ASIC2: variants seen among roughly 807,000 people sequenced by gnomAD.
The protein encoded by ASIC2 is acid sensing ion channel subunit 2.
Under a neutral mutation model 57.3 loss-of-function variants are expected in ASIC2, and 25 were observed. That is an observed-to-expected ratio of 0.44 (90% CI 0.32 to 0.61). The LOEUF (loss-of-function observed/expected upper bound fraction) is 0.61, where lower values mean the gene tolerates loss of function less well. Ranked by LOEUF, ASIC2 falls within the 20% of genes least tolerant of loss-of-function variation. ASIC2 has a pLI of 0.06. For synonymous variants in ASIC2, 319 were observed against 307.5 expected (o/e 1.04, Z -0.39); for missense variants, 641 against 738.1 (o/e 0.87, Z 1.52).
At chr17:33,305,471 G>T (rs1046995193) in intron 1 of ASIC2, among the ~76,000 whole-genome samples, 6 of 152,258 alleles carry the variant, frequency 3.9e-5, no homozygotes, top group Admixed American at 1.3e-4. Context: ...AAACAAAAAG[G>T]CTTAAGACGT....
intron 1 of ASIC2, among the ~76,000 whole-genome samples, chr17:33,774,514 C>A (rs1911206569): frequency 6.6e-6 from 1 of 152,280 alleles, no homozygotes; most frequent in South Asian, 2.1e-4. Flanking sequence ...TCCACCTCAG[C>A]CTGCCATCTC....
chr17:33,864,010 T>A (rs890601703), intron 1 of ASIC2, among the ~76,000 whole-genome samples: 2 of 152,078 alleles, frequency 1.3e-5, no homozygotes, highest in African/African-American at 4.8e-5. Flanking sequence ...TTCAAGCGAT[T>A]CTCCTACCTT....
At chr17:33,579,059 G>A (rs536798907) in intron 1 of ASIC2, among the ~76,000 whole-genome samples, 2 of 152,214 alleles carry the variant, frequency 1.3e-5, no homozygotes, top group South Asian at 4.2e-4. Flanking sequence ...GTCGAAGCGG[G>A]TGGATCACTT....
chr17:33,561,795 A>G (rs1334890892), intron 1 of ASIC2, among the ~76,000 whole-genome samples: 1 of 152,242 alleles, frequency 6.6e-6, no homozygotes, highest in Non-Finnish European at 1.5e-5. Flanking sequence ...GTTTCCTAGC[A>G]ATCAATGACC....
At chr17:34,022,299 T>A (rs891098317) in intron 1 of ASIC2, among the ~76,000 whole-genome samples, 1 of 152,174 alleles carries the variant, frequency 6.6e-6, no homozygotes, top group Non-Finnish European at 1.5e-5. Context: ...CCCAAAACAT[T>A]AATGACACCA....
At chr17:33,987,232 T>C (rs1905849616) in intron 1 of ASIC2, among the ~76,000 whole-genome samples, 3 of 152,176 alleles carry the variant, frequency 2.0e-5, no homozygotes, top group East Asian at 1.9e-4. Flanking sequence ...ACTCGGCTGC[T>C]CCCATGACCA....
At chr17:33,902,078 C>T (rs887883720) in intron 1 of ASIC2, among the ~76,000 whole-genome samples, 17 of 152,158 alleles carry the variant, frequency 1.1e-4, no homozygotes, top group Middle Eastern at 3.4e-3. Flanking sequence ...TCTATCAATG[C>T]GCTTGTATGA....
At chr17:33,584,763 C>T (rs8071841) in intron 1 of ASIC2, among the ~76,000 whole-genome samples, 2,780 of 152,112 alleles carry the variant, frequency 0.018, 80 homozygotes, top group African/African-American at 0.061. Context: ...GCCTAGGCTG[C>T]TTGTGGAGAC....
At chr17:34,147,894 C>G (rs549454459) in intron 1 of ASIC2, among the ~76,000 whole-genome samples, 2 of 152,276 alleles carry the variant, frequency 1.3e-5, no homozygotes, top group East Asian at 3.9e-4. Context: ...TGGAGCACCA[C>G]CTCTAATGGC....
chr17:33,204,661 A>G (rs1389020715), intron 1 of ASIC2, among the ~76,000 whole-genome samples: 1 of 152,228 alleles, frequency 6.6e-6, no homozygotes, highest in East Asian at 1.9e-4. Flanking sequence ...AGACATGAGC[A>G]TGTGACCCAA....
chr17:33,770,929 T>A (rs1382669150), intron 1 of ASIC2, among the ~76,000 whole-genome samples: 1 of 152,146 alleles, frequency 6.6e-6, no homozygotes, highest in Non-Finnish European at 1.5e-5. Flanking sequence ...ATTCATTGTC[T>A]GGGTATTATT....
At chr17:33,859,924 G>T (rs894640819) in intron 1 of ASIC2, among the ~76,000 whole-genome samples, 1 of 152,196 alleles carries the variant, frequency 6.6e-6, no homozygotes, top group Non-Finnish European at 1.5e-5. Flanking sequence ...TGTTCAAGCA[G>T]TCCTTCTGCC....
chr17:33,519,218 G>A (rs1017234094), intron 1 of ASIC2, among the ~76,000 whole-genome samples: 3 of 152,214 alleles, frequency 2.0e-5, no homozygotes, highest in African/African-American at 7.2e-5. Context: ...GCTTGTAAGT[G>A]ACTTGAACTC....
chr17:33,251,954 A>T (rs188242435), intron 1 of ASIC2, among the ~76,000 whole-genome samples: 2 of 152,288 alleles, frequency 1.3e-5, no homozygotes, highest in East Asian at 3.9e-4. Context: ...CATCTACATT[A>T]CTCATGCTGC....
intron 1 of ASIC2, among the ~76,000 whole-genome samples, chr17:33,727,829 C>A (rs1344139805): frequency 6.6e-6 from 1 of 152,144 alleles, no homozygotes; most frequent in Non-Finnish European, 1.5e-5. Flanking sequence ...GGCTTTCTCA[C>A]CTTTGGAGAA....
At chr17:33,754,034 C>T (rs1208182736) in intron 1 of ASIC2, among the ~76,000 whole-genome samples, 1 of 152,080 alleles carries the variant, frequency 6.6e-6, no homozygotes, top group South Asian at 2.1e-4. Context: ...CCTAAAACTG[C>T]TCTAAAAATC....
chr17:34,047,879 C>G (rs752287978), intron 1 of ASIC2, among the ~76,000 whole-genome samples: 2 of 152,194 alleles, frequency 1.3e-5, no homozygotes, highest in Non-Finnish European at 2.9e-5. Context: ...AAAGTTTACA[C>G]CCTAGTAAAT....
chr17:33,618,437 G>C (rs1597809192), intron 1 of ASIC2, among the ~76,000 whole-genome samples: 1 of 152,128 alleles, frequency 6.6e-6, no homozygotes, highest in East Asian at 1.9e-4. Context: ...GGAATGGTCT[G>C]TTGAATTAGT....
At chr17:33,223,150 T>TC (rs956318161) in intron 1 of ASIC2, among the ~76,000 whole-genome samples, 3 of 152,074 alleles carry the variant, frequency 2.0e-5, no homozygotes, top group African/African-American at 7.2e-5. Flanking sequence ...ACCATCTCCT[T>TC]CCCCCTTTTC....
Sources: allele counts gnomAD v4.1 joint callset (sites outside exome capture counted in the v4.1 genomes callset), GRCh38; gene constraint gnomAD v4.1.1; transcripts MANE v1.5; gene names NCBI Gene and HGNC (gene_info 2026-07-23, HGNC 2026-07-21).